The following EAF2 variants were observed in gnomAD, a reference collection of about 807,000 sequenced individuals.
The protein encoded by EAF2 is ELL-associated factor 2.
In EAF2, 29 loss-of-function variants were observed where a neutral mutation model predicts 29.4. The observed-to-expected ratio is 0.99, with a 90% CI of 0.73 to 1.35. EAF2 has a LOEUF of 1.35. Ranked by LOEUF, EAF2 falls within the 40% of genes most tolerant of loss-of-function variation. EAF2 has a pLI of 0.00. For missense variants in EAF2, 292 were observed against 312.0 expected (o/e 0.94, Z 0.48); for synonymous variants, 103 against 102.5 (o/e 1.00, Z -0.03).
At chr3:121,870,747 A>C (rs1236561350) in intron 4 of EAF2, among the ~76,000 whole-genome samples, 3 of 152,186 alleles carry the variant, frequency 2.0e-5, no homozygotes, top group Non-Finnish European at 4.4e-5. Flanking sequence ...TGGACAAAAG[A>C]TTTGAACAGG....
intron 4 of EAF2, among the ~76,000 whole-genome samples, chr3:121,860,401 G>A (rs1708805132): frequency 4.6e-5 from 7 of 151,908 alleles, no homozygotes; most frequent in Admixed American, 3.3e-4. Flanking sequence ...TTCTTGGGAG[G>A]GTGTATGTGT....
At chr3:121,863,365 T>C (rs1030003610) in intron 4 of EAF2, among the ~76,000 whole-genome samples, 1 of 152,176 alleles carries the variant, frequency 6.6e-6, no homozygotes, top group Non-Finnish European at 1.5e-5. Context: ...TCCAGGCTGC[T>C]TTGTTTTGTT....
Position 121,844,455 on chromosome 3 carries a change from G to A in EAF2, c.109G>A (p.Asp37Asn), listed in dbSNP as rs748022120. 6.3e-6 allele frequency: 10 copies of A among 1,592,326 alleles called. No homozygotes were observed. The highest frequency in any genetic ancestry group is 8.5e-6 in the Non-Finnish European group (10 of 1,170,652). ...PRCAFHTVRY[D>N]FKPASIDTSS... ...TTGGTATTTGTATCTATTTTTAGATGACTTCAAACCTGCTTCTATTGACAC... is the reference window on the plus strand; with the variant it reads ...TTGGTATTTGTATCTATTTTTAGATAACTTCAAACCTGCTTCTATTGACAC... Residue 37 changes from aspartate (D) to asparagine (N), a missense_variant and splice_region_variant, in exon 2 of 6, where the codon GAC becomes AAC. Asp to Asn is a conservative substitution (Grantham distance 23). Coordinates refer to ENST00000273668, the MANE Select transcript of EAF2 (RefSeq NM_018456.6).
intron 1 of EAF2, among the ~76,000 whole-genome samples, chr3:121,841,530 A>G (rs1020374178): frequency 5.2e-4 from 16 of 30,586 alleles, no homozygotes; most frequent in Middle Eastern, 9.8e-3. Context: ...AAAAAAAAAA[A>G]AAAAAAAAAA....
In EAF2 at chr3:121,844,655, T is replaced by C. The variant is rs139815827; in HGVS notation, c.201+108T>C. On this transcript the variant is annotated intron_variant, in intron 2 of 5. Transcript: ENST00000273668. ...AGTGATAATTGGTTAAAGTAATTAG[T>C]AAGCACAGATAAGCAAAAACCATAT... 4 of 612,250 alleles carry C rather than the reference T, an allele frequency of 6.5e-6. No individual in the cohort carries two copies. In the Admixed American group the frequency reaches 1.5e-4, roughly 23 times the overall value. 37.9% of individuals were successfully genotyped at this position (612,250 alleles called of 1,614,324 possible). A position where few individuals can be genotyped will look rare whatever the true frequency, so the allele number is the denominator to read the frequency against.
chr3:121,882,995 A>G (rs1246941554), intron 5 of EAF2, among the ~76,000 whole-genome samples: 2 of 152,084 alleles, frequency 1.3e-5, no homozygotes, highest in African/African-American at 4.8e-5. Context: ...TAATCTGTGT[A>G]CATACATCTT....
chr3:121,835,433 G>A (rs930438671), intron 1 of EAF2, 42 bp downstream of exon 1: 3 of 1,571,948 alleles, frequency 1.9e-6, no homozygotes, highest in Admixed American at 1.7e-5. Context: ...AGCCTCCCGG[G>A]ATGGGGGTGA....
At chr3:121,843,093 T>C (rs1006433017) in intron 1 of EAF2, among the ~76,000 whole-genome samples, 2 of 152,122 alleles carry the variant, frequency 1.3e-5, no homozygotes, top group African/African-American at 4.8e-5. Flanking sequence ...TTCTGTAAAT[T>C]GTTTATATTC....
chr3:121,842,626 G>A (rs1294954633), intron 1 of EAF2, among the ~76,000 whole-genome samples: 2 of 152,122 alleles, frequency 1.3e-5, no homozygotes, highest in Non-Finnish European at 2.9e-5. Flanking sequence ...AAATTGATCA[G>A]CATGTAATAG....
intron 4 of EAF2, among the ~76,000 whole-genome samples, chr3:121,863,248 A>T (rs1708864747): frequency 6.6e-6 from 1 of 152,236 alleles, no homozygotes. Context: ...TGAAGTCTGC[A>T]GAAGTTTCTG....
intron 4 of EAF2, among the ~76,000 whole-genome samples, chr3:121,862,665 T>C (rs1420006520): frequency 6.6e-6 from 1 of 152,262 alleles, no homozygotes. Flanking sequence ...GTCTGAAGCC[T>C]TCTTCTCTCT....
At chr3:121,848,868 T>C (rs1708578912) in intron 2 of EAF2, among the ~76,000 whole-genome samples, 1 of 130,072 alleles carries the variant, frequency 7.7e-6, no homozygotes, top group Non-Finnish European at 1.7e-5. Flanking sequence ...AAATAAGGGT[T>C]ATTTTAAAAG....
intron 4 of EAF2, among the ~76,000 whole-genome samples, chr3:121,861,024 G>T (rs1708820399): frequency 6.6e-6 from 1 of 152,192 alleles, no homozygotes; most frequent in African/African-American, 2.4e-5. Context: ...ATTGCACTGT[G>T]TTCTGAGAGA....
intron 4 of EAF2, among the ~76,000 whole-genome samples, chr3:121,859,883 G>C (rs1053193735): frequency 2.6e-5 from 4 of 152,110 alleles, no homozygotes; most frequent in Admixed American, 1.3e-4. Context: ...TAGCATGAAG[G>C]GCTGTTGATT....
At chr3:121,875,805 T>TA (rs1280808245) in intron 5 of EAF2, among the ~76,000 whole-genome samples, 1 of 148,928 alleles carries the variant, frequency 6.7e-6, no homozygotes, top group Non-Finnish European at 1.5e-5. Context: ...TTGACATTTT[T>TA]AAAAAACCAA....
At chr3:121,877,258 A>G in intron 5 of EAF2, among the ~76,000 whole-genome samples, 1 of 151,800 alleles carries the variant, frequency 6.6e-6, no homozygotes, top group East Asian at 1.9e-4. Flanking sequence ...CAGAAGTAGT[A>G]GAAGTTGACA....
At chr3:121,844,010 A>T (rs1708478164) in intron 1 of EAF2, among the ~76,000 whole-genome samples, 1 of 152,142 alleles carries the variant, frequency 6.6e-6, no homozygotes, top group African/African-American at 2.4e-5. Context: ...TTTAAAAAAA[A>T]TTTATGGGCC....
At chr3:121,876,262 G>T (rs1287642686) in intron 5 of EAF2, among the ~76,000 whole-genome samples, 2 of 151,766 alleles carry the variant, frequency 1.3e-5, no homozygotes, top group Non-Finnish European at 2.9e-5. Context: ...AGTGTTGAAG[G>T]AATATAATTC....
At chr3:121,863,135 C>T (rs1030993269) in intron 4 of EAF2, among the ~76,000 whole-genome samples, 3 of 152,148 alleles carry the variant, frequency 2.0e-5, no homozygotes, top group South Asian at 4.1e-4. Flanking sequence ...TTAGGCTATT[C>T]GGGGGTCAGG....
Sources: allele counts gnomAD v4.1 joint callset (sites outside exome capture counted in the v4.1 genomes callset), GRCh38; gene constraint gnomAD v4.1.1; transcripts MANE v1.5; gene names NCBI Gene and HGNC (gene_info 2026-07-23, HGNC 2026-07-21).